Variants in PALLD observed in about 807,000 individuals in gnomAD.
PALLD encodes the protein palladin.
In PALLD, 61 loss-of-function variants were observed where a neutral mutation model predicts 123.5. The ratio of observed to expected loss-of-function variants is 0.49; its 90% CI spans 0.40 to 0.61. The LOEUF (loss-of-function observed/expected upper bound fraction) is 0.61. PALLD is among the 20% of genes least tolerant of loss of function. PALLD has a pLI of 0.00. For missense variants in PALLD, 1,273 were observed against 1,377.0 expected (o/e 0.92, Z 1.20); for synonymous variants, 465 against 496.4 (o/e 0.94, Z 0.84).
At chr4:168,609,934 C>T (rs370447641) in intron 2 of PALLD, among the ~76,000 whole-genome samples, 1 of 152,178 alleles carries the variant, frequency 6.6e-6, no homozygotes, top group African/African-American at 2.4e-5. Context: ...CTTATATCCC[C>T]TCCAGAATCC....
intron 3 of PALLD, among the ~76,000 whole-genome samples, chr4:168,671,156 A>G (rs1780233744): frequency 6.6e-6 from 1 of 152,206 alleles, no homozygotes; most frequent in Non-Finnish European, 1.5e-5. Context: ...TATATACTAT[A>G]AAATGAGATA....
intron 10 of PALLD, chr4:168,885,494 TG>T (rs1169290508): frequency 6.6e-6 from 1 of 152,224 alleles, no homozygotes; most frequent in Non-Finnish European, 1.5e-5. Flanking sequence ...CTGCCATTTT[TG>T]TAAGTTAAAA....
intron 10 of PALLD, among the ~76,000 whole-genome samples, chr4:168,785,841 GTAGAGATA>G (rs1736634290): frequency 1.9e-5 from 1 of 51,570 alleles, no homozygotes; most frequent in African/African-American, 6.0e-5. Flanking sequence ...CTAATAAACT[GTAGAGATA>G]TATATATATA....
At chr4:168,551,015 A>G (rs1766675213) in intron 2 of PALLD, among the ~76,000 whole-genome samples, 1 of 152,222 alleles carries the variant, frequency 6.6e-6, no homozygotes, top group African/African-American at 2.4e-5. Flanking sequence ...TTATAAATCC[A>G]GTGACAAAGT....
chr4:168,619,365 C>G (rs11731836), intron 2 of PALLD, among the ~76,000 whole-genome samples: 3,327 of 152,268 alleles, frequency 0.022, 121 homozygotes, highest in African/African-American at 0.076. Context: ...GAGAAGGAAG[C>G]AGCAGCCAGG....
Position 168,777,313 on chromosome 4 carries a change from G to A in PALLD, c.1964+65390G>A, listed in dbSNP as rs563641674. Among the ~76,000 whole-genome samples the A allele has an allele frequency of 7.2e-5, 11 of 152,324 alleles. No individual in the cohort carries two copies. The East Asian group carries it at 1.9e-3, about 27-fold the overall frequency. ...GCACTGCTGCAGTTATGGCTTGGAA[G>A]AATGCTGTTAATACTGCTTTATCCC... is the stretch of plus-strand genomic sequence containing the variant. On this transcript the variant is annotated intron_variant, in intron 10 of 21. Coordinates refer to ENST00000505667, the MANE Select transcript of PALLD (RefSeq NM_001166108.2).
intron 10 of PALLD, among the ~76,000 whole-genome samples, chr4:168,775,438 A>G (rs1457122255): frequency 6.6e-6 from 1 of 152,128 alleles, no homozygotes; most frequent in Non-Finnish European, 1.5e-5. Context: ...TATATATTCT[A>G]GATACAAGTT....
intron 10 of PALLD, among the ~76,000 whole-genome samples, chr4:168,783,065 T>TGTGA (rs1736171530): frequency 6.6e-6 from 1 of 150,776 alleles, no homozygotes; most frequent in Non-Finnish European, 1.5e-5. Context: ...TGTGTGTGTG[T>TGTGA]GTGTGTGTGT....
In PALLD at chr4:168,869,628, G is replaced by C. The variant is rs1275049118; in HGVS notation, c.1965-21294G>C. 6.6e-6 allele frequency among the ~76,000 whole-genome samples: 1 copy of C among 152,198 alleles called. No homozygotes were observed. Among genetic ancestry groups the C allele is most frequent in the Non-Finnish European group, 1.5e-5 (1 of 68,036 alleles). On this transcript the variant is annotated intron_variant, in intron 10 of 21. Coordinates refer to ENST00000505667, the MANE Select transcript of PALLD (RefSeq NM_001166108.2). The surrounding 1 kb of genome is among the most constrained non-coding windows in gnomAD (Gnocchi z 4.5). ...TAGAGATACAGCAGCATTAGTTGGA[G>C]ATAAGATTGTTAGGACTGTTTGAGG...
chr4:168,553,558 A>C (rs1028756077), intron 2 of PALLD, among the ~76,000 whole-genome samples: 1 of 152,228 alleles, frequency 6.6e-6, no homozygotes, highest in Non-Finnish European at 1.5e-5. Flanking sequence ...GTCTGCCTAC[A>C]AAGGAACCTG....
chr4:168,839,733 C>T (rs540276633), intron 10 of PALLD, among the ~76,000 whole-genome samples: 1 of 152,098 alleles, frequency 6.6e-6, no homozygotes, highest in African/African-American at 2.4e-5. Flanking sequence ...GTCCAGGACA[C>T]AATTATATAC....
chr4:168,498,108 C>T lies in PALLD; in HGVS notation c.-83+914C>T, dbSNP rs549895604. On this transcript the variant is annotated intron_variant, in intron 1 of 21. Transcript: ENST00000505667. ...TTTTCTCACAGAAAGAACTTGAATA[C>T]TCACCTCAATTATTCAGATTTTTTT... Among the ~76,000 whole-genome samples the T allele has an allele frequency of 8.7e-4, 132 of 152,298 alleles. 2 individuals are homozygous for T. Among genetic ancestry groups the T allele is most frequent in the South Asian group, 7.2e-3 (35 of 4,832 alleles).
At chr4:168,887,584 G>T (rs941294953) in intron 10 of PALLD, among the ~76,000 whole-genome samples, 10 of 152,228 alleles carry the variant, frequency 6.6e-5, no homozygotes, top group African/African-American at 2.4e-4. Context: ...CACAGGCTTA[G>T]AGTAATAATG....
chr4:168,817,382 G>A (rs1742120404), intron 10 of PALLD, among the ~76,000 whole-genome samples: 1 of 152,174 alleles, frequency 6.6e-6, no homozygotes, highest in South Asian at 2.1e-4. Context: ...TTTCAGACAT[G>A]TCCTGAACAC....
intron 2 of PALLD, among the ~76,000 whole-genome samples, chr4:168,614,224 C>T (rs1051498129): frequency 7.2e-5 from 11 of 152,060 alleles, no homozygotes; most frequent in African/African-American, 2.4e-4. Flanking sequence ...TCTAAAAAGT[C>T]CTGGATTGTA....
chr4:168,811,603 G>T (rs1238906997), intron 10 of PALLD, among the ~76,000 whole-genome samples: 1 of 152,050 alleles, frequency 6.6e-6, no homozygotes, highest in Admixed American at 6.5e-5. Flanking sequence ...GGGCATAGTG[G>T]CATGTGCCTG....
At chr4:168,700,593 C>T (rs141859298) in intron 8 of PALLD, 2 of 152,128 alleles carry the variant, frequency 1.3e-5, no homozygotes, top group Admixed American at 1.3e-4. Context: ...TTTATTTAAA[C>T]ATAATTATAG....
intron 10 of PALLD, among the ~76,000 whole-genome samples, chr4:168,890,267 A>G (rs564846309): frequency 2.0e-5 from 3 of 152,304 alleles, no homozygotes; most frequent in South Asian, 4.1e-4. Context: ...CCTCACCAGA[A>G]GTTCAGGAGG....
At chr4:168,870,502 A>G (rs1285011247) in intron 10 of PALLD, among the ~76,000 whole-genome samples, 2 of 152,222 alleles carry the variant, frequency 1.3e-5, no homozygotes, top group Non-Finnish European at 2.9e-5. Context: ...AAAAACTGAT[A>G]TATACGTTTT....
Sources: allele counts gnomAD v4.1 joint callset (sites outside exome capture counted in the v4.1 genomes callset), GRCh38; gene constraint gnomAD v4.1.1; non-coding constraint Gnocchi (gnomAD v3.1); transcripts MANE v1.5; gene names NCBI Gene and HGNC (gene_info 2026-07-23, HGNC 2026-07-21).